Variants in PRPSAP2 observed in about 807,000 individuals in gnomAD.
PRPSAP2 encodes phosphoribosyl pyrophosphate synthase-associated protein 2.
In PRPSAP2, 24 loss-of-function variants were observed where a neutral mutation model predicts 40.6. The ratio of observed to expected loss-of-function variants is 0.59; its 90% confidence interval spans 0.43 to 0.83. The LOEUF (loss-of-function observed/expected upper bound fraction) is 0.83, where lower values mean the gene tolerates loss of function less well. Ranked by LOEUF, PRPSAP2 falls within the 40% of genes least tolerant of loss-of-function variation. PRPSAP2 has a pLI of 0.00. For synonymous variants in PRPSAP2, 149 were observed against 164.7 expected (o/e 0.90, Z 0.73); for missense variants, 292 against 465.6 (o/e 0.63, Z 3.43).
intron 8 of PRPSAP2, chr17:18,908,597 A>C (rs2040751042): frequency 1.4e-6 from 1 of 726,214 alleles, no homozygotes; most frequent in East Asian, 2.5e-5. Context: ...ATGGAGCTGA[A>C]GCCCAACATG....
intron 4 of PRPSAP2, 85 bp from the exon 5 acceptor site, chr17:18,872,498 T>C: frequency 9.8e-7 from 1 of 1,021,818 alleles, no homozygotes; most frequent in Non-Finnish European, 1.5e-6. Context: ...TCTATTACAT[T>C]AGGGAATAAT....
chr17:18,906,781 A>G (rs572404648), intron 8 of PRPSAP2, among the ~76,000 whole-genome samples: 1 of 144,824 alleles, frequency 6.9e-6, no homozygotes, highest in East Asian at 2.1e-4. Flanking sequence ...TCCTTGTCCC[A>G]AGTGATCTGC....
chr17:18,926,415 C>T (rs888620547), intron 10 of PRPSAP2, among the ~76,000 whole-genome samples: 5 of 151,596 alleles, frequency 3.3e-5, no homozygotes, highest in South Asian at 2.1e-4. Flanking sequence ...TACAGGTGCA[C>T]GCCACCACGT....
intron 8 of PRPSAP2, among the ~76,000 whole-genome samples, chr17:18,892,257 T>C (rs2039595135): frequency 6.6e-6 from 1 of 152,168 alleles, no homozygotes; most frequent in Non-Finnish European, 1.5e-5. Context: ...TTTTACCGTT[T>C]GGCTATTATG....
At position 18,865,947 on chromosome 17, in the gene PRPSAP2, T is replaced by A. The variant is rs1189615188; in HGVS notation, c.114T>A (p.Ile38=). Residue 38 remains isoleucine (I), a synonymous_variant, in exon 3 of 12, where the codon ATT becomes ATA. Coordinates refer to ENST00000268835, the MANE Select transcript of PRPSAP2 (RefSeq NM_002767.4). Reference sequence around the variant, plus strand: ...CATGTATGGAGCTATCAAAGAAAATTGCAGAGTGAGTTATAATTGTACCAT... The same window carrying A: ...CATGTATGGAGCTATCAAAGAAAATAGCAGAGTGAGTTATAATTGTACCAT... ...NSSCMELSKK[I]AERLGVEMGK... is the part of the protein sequence containing the mutation. 7.0e-7 allele frequency: 1 copy of A among 1,436,046 alleles called. No individual in the cohort carries two copies. Among genetic ancestry groups the A allele is most frequent in the East Asian group, 2.5e-5 (1 of 39,246 alleles). The allele number at this position is 1,436,046 out of a possible 1,614,324, so 89.0% of individuals were successfully genotyped here. A position where few individuals can be genotyped will look rare whatever the true frequency, so the allele number is the denominator to read the frequency against.
chr17:18,918,205 G>C (rs1328120595), intron 9 of PRPSAP2, among the ~76,000 whole-genome samples: 1 of 152,174 alleles, frequency 6.6e-6, no homozygotes, highest in African/African-American at 2.4e-5. Context: ...AATCTCCTAA[G>C]GGGTGGGGGA....
At chr17:18,863,314 C>G (rs1420325081) in intron 1 of PRPSAP2, among the ~76,000 whole-genome samples, 1 of 151,804 alleles carries the variant, frequency 6.6e-6, no homozygotes, top group Non-Finnish European at 1.5e-5. Flanking sequence ...TGGTCTCAAA[C>G]TCTTGGGCTC....
At chr17:18,877,286 T>C (rs1041373975) in intron 5 of PRPSAP2, among the ~76,000 whole-genome samples, 2 of 152,112 alleles carry the variant, frequency 1.3e-5, no homozygotes, top group African/African-American at 2.4e-5. Context: ...TGAGTCGTGT[T>C]AATGGAAGTA....
intron 3 of PRPSAP2, 22 bp from the exon 4 acceptor site, chr17:18,867,260 T>C (rs1294273453): frequency 6.2e-7 from 1 of 1,613,400 alleles, no homozygotes; most frequent in Non-Finnish European, 8.5e-7. Flanking sequence ...TTTTCAGCTT[T>C]TTCCCCCTTT....
At chr17:18,883,743 C>A (rs1464321890) in intron 7 of PRPSAP2, among the ~76,000 whole-genome samples, 1 of 151,972 alleles carries the variant, frequency 6.6e-6, no homozygotes, top group Non-Finnish European at 1.5e-5. Flanking sequence ...TAGATAACTT[C>A]TTTTTACAGT....
At chr17:18,914,779 CA>C (rs2041203569) in intron 9 of PRPSAP2, among the ~76,000 whole-genome samples, 1 of 150,654 alleles carries the variant, frequency 6.6e-6, no homozygotes, top group Non-Finnish European at 1.5e-5. Context: ...GGCTGGAATG[CA>C]GTGGTGCAAT....
chr17:18,887,072 G>A (rs1445756928), intron 7 of PRPSAP2, among the ~76,000 whole-genome samples: 1 of 151,198 alleles, frequency 6.6e-6, no homozygotes, highest in Non-Finnish European at 1.5e-5. Flanking sequence ...GAGTAGCTGG[G>A]ATTACAGGCA....
chr17:18,882,731 A>C (rs756175896), intron 7 of PRPSAP2, 48 bp downstream of exon 7: 24 of 1,241,718 alleles, frequency 1.9e-5, no homozygotes, highest in Middle Eastern at 2.1e-4. Flanking sequence ...TTAAGGTTGA[A>C]AGATGTATTT....
chr17:18,874,400 C>T (rs557779002), intron 5 of PRPSAP2, among the ~76,000 whole-genome samples: 20 of 152,208 alleles, frequency 1.3e-4, no homozygotes, highest in Admixed American at 2.0e-4. Flanking sequence ...ATAAAACCAA[C>T]GAAAGGGAAA....
chr17:18,868,271 C>T (rs1234020743), intron 4 of PRPSAP2, among the ~76,000 whole-genome samples: 5 of 151,878 alleles, frequency 3.3e-5, no homozygotes, highest in African/African-American at 1.2e-4. Flanking sequence ...GTCAGGAGTT[C>T]GTAGACCAGC....
At chr17:18,869,341 C>CTTTTCT (rs2037666699) in intron 4 of PRPSAP2, among the ~76,000 whole-genome samples, 2 of 140,372 alleles carry the variant, frequency 1.4e-5, no homozygotes, top group African/African-American at 2.6e-5. Flanking sequence ...CTTTTCTTTT[C>CTTTTCT]TTTTTTTTTT....
At chr17:18,863,193 A>G (rs189461877) in intron 1 of PRPSAP2, among the ~76,000 whole-genome samples, 5 of 151,804 alleles carry the variant, frequency 3.3e-5, no homozygotes, top group Admixed American at 2.6e-4. Flanking sequence ...GAGTGCAGTG[A>G]AGTGGTGCAA....
intron 7 of PRPSAP2, among the ~76,000 whole-genome samples, chr17:18,883,572 A>G (rs1472419133): frequency 1.3e-5 from 2 of 151,974 alleles, no homozygotes; most frequent in Non-Finnish European, 2.9e-5. Context: ...TATCTTTAGT[A>G]GAGATGGGGT....
intron 9 of PRPSAP2, among the ~76,000 whole-genome samples, chr17:18,921,984 G>A (rs1001778443): frequency 6.6e-6 from 1 of 152,064 alleles, no homozygotes; most frequent in African/African-American, 2.4e-5. Flanking sequence ...GTTTCACCAT[G>A]CCCCCATCCC....
Sources: gnomAD v4.1 joint callset for allele counts (sites outside exome capture counted in the v4.1 genomes callset) on GRCh38, gnomAD v4.1.1 for gene constraint, MANE v1.5 for transcripts, NCBI Gene and HGNC (gene_info 2026-07-23, HGNC 2026-07-21) for gene names.